The following CHODL variants were observed in gnomAD, a reference collection of about 807,000 sequenced individuals.
The protein encoded by CHODL is chondrolectin.
A neutral mutation model predicts 34.5 loss-of-function variants in CHODL; 29 were observed. The observed-to-expected ratio is 0.84, with a 90% CI of 0.63 to 1.15. The LOEUF (loss-of-function observed/expected upper bound fraction) is 1.15. CHODL is among the 50% of genes most tolerant of loss of function. The probability of loss-of-function intolerance (pLI) is 0.00; values close to 1 mark genes in which losing one functional copy is unlikely to be tolerated. For missense variants in CHODL, 332 were observed against 332.5 expected (o/e 1.00, Z 0.01); for synonymous variants, 125 against 116.1 (o/e 1.08, Z -0.49).
At chr21:18,237,485 A>G (rs1000375779) in intron 2 of CHODL, among the ~76,000 whole-genome samples, 4 of 152,136 alleles carry the variant, frequency 2.6e-5, no homozygotes, top group African/African-American at 9.6e-5. Flanking sequence ...GGTACTGGGG[A>G]GCTTTTCAGA....
chr21:17,917,545 T>C (rs2063149583), intron 1 of CHODL: 1 of 150,082 alleles, frequency 6.7e-6, no homozygotes. Context: ...TGTACCAGAC[T>C]CTGGAGGGGA....
chr21:17,993,263 A>T (rs1424419342), intron 1 of CHODL, among the ~76,000 whole-genome samples: 4 of 152,138 alleles, frequency 2.6e-5, no homozygotes, highest in Non-Finnish European at 5.9e-5. Context: ...CAGGTTTGTT[A>T]TATGGGTTAA....
At chr21:17,928,976 C>T (rs2063249464) in intron 1 of CHODL, among the ~76,000 whole-genome samples, 1 of 152,058 alleles carries the variant, frequency 6.6e-6, no homozygotes, top group African/African-American at 2.4e-5. Context: ...ACTAGAAATC[C>T]ACTTAAGAGC....
At chr21:18,161,067 G>A (rs78241507) in intron 2 of CHODL, among the ~76,000 whole-genome samples, 15,766 of 151,900 alleles carry the variant, frequency 0.1, 909 homozygotes, top group Middle Eastern at 0.15. Context: ...TTTGATTTAC[G>A]TTTCTTAAGT....
chr21:18,157,862 A>G (rs1199969748), intron 2 of CHODL, among the ~76,000 whole-genome samples: 2 of 152,156 alleles, frequency 1.3e-5, no homozygotes, highest in South Asian at 2.1e-4. Flanking sequence ...TAATACAATA[A>G]TTATTAATTC....
chr21:18,111,283 T>G (rs2065347480), intron 2 of CHODL, among the ~76,000 whole-genome samples: 1 of 152,204 alleles, frequency 6.6e-6, no homozygotes, highest in African/African-American at 2.4e-5. Flanking sequence ...GCAGGCGAAC[T>G]GATACACATT....
At chr21:17,928,481 G>A (rs867086980) in intron 1 of CHODL, among the ~76,000 whole-genome samples, 4 of 152,160 alleles carry the variant, frequency 2.6e-5, no homozygotes, top group Non-Finnish European at 4.4e-5. Context: ...GAGACAAAGC[G>A]GGGTGTCCTA....
chr21:18,250,536 ATC>A (rs1465970404), intron 1 of CHODL, among the ~76,000 whole-genome samples: 3 of 151,972 alleles, frequency 2.0e-5, no homozygotes, highest in African/African-American at 7.2e-5. Context: ...ACATTATAAA[ATC>A]TCTGTTGTAA....
At chr21:18,241,913 G>C (rs979417517), upstream of CHODL, among the ~76,000 whole-genome samples, 1 of 151,954 alleles carries the variant, frequency 6.6e-6, no homozygotes, top group Non-Finnish European at 1.5e-5. Context: ...TTCTATTTGG[G>C]GGCTTGAAGA....
chr21:17,928,878 G>A (rs750493988), intron 1 of CHODL, among the ~76,000 whole-genome samples: 2 of 152,180 alleles, frequency 1.3e-5, no homozygotes, highest in Non-Finnish European at 1.5e-5. Flanking sequence ...TTTAGGCTTA[G>A]AAATAATAAA....
At chr21:18,010,214 G>C (rs143334877) in intron 1 of CHODL, among the ~76,000 whole-genome samples, 1 of 142,376 alleles carries the variant, frequency 7.0e-6, no homozygotes, top group Non-Finnish European at 1.5e-5. Flanking sequence ...GGAGAATGGC[G>C]GGAACCCGGG....
chr21:18,062,315 C>T (rs1458328427), intron 2 of CHODL, among the ~76,000 whole-genome samples: 1 of 152,130 alleles, frequency 6.6e-6, no homozygotes, highest in African/African-American at 2.4e-5. Flanking sequence ...TGAAGTGATT[C>T]TCCATGCCTC....
rs183804015 is a variant in CHODL, at chr21:17,937,230, G to A, written c.-145+19830G>A. The stretch of plus-strand genomic sequence containing the variant: ...AAGTCAGTGAAGTTATCTGCTAAGT[G>A]GGACAGAAGGAGAGGGGCAGGTGAG... On this transcript the variant is annotated intron_variant, in intron 1 of 6. Transcript: ENST00000400127. Among the ~76,000 whole-genome samples the A allele has an allele frequency of 3.3e-5, 5 of 152,300 alleles. No individual in the cohort carries two copies. The East Asian group carries it at 9.6e-4, about 29-fold the overall frequency.
At chr21:18,101,990 C>T (rs2065220878) in intron 2 of CHODL, among the ~76,000 whole-genome samples, 2 of 152,030 alleles carry the variant, frequency 1.3e-5, no homozygotes, top group African/African-American at 4.8e-5. Context: ...AGATGAGTAA[C>T]TGTTGATTAC....
intron 2 of CHODL, among the ~76,000 whole-genome samples, chr21:18,179,900 A>G (rs547174052): frequency 3.3e-5 from 5 of 152,276 alleles, no homozygotes; most frequent in African/African-American, 1.2e-4. Flanking sequence ...AATAATTTTT[A>G]TTAACTGAAA....
intron 2 of CHODL, among the ~76,000 whole-genome samples, chr21:18,153,115 C>T (rs1200701317): frequency 6.6e-6 from 1 of 152,168 alleles, no homozygotes; most frequent in African/African-American, 2.4e-5. Flanking sequence ...GCTTGAAAAA[C>T]CCCACCTGTT....
At position 18,219,092 on chromosome 21, in the gene CHODL, G is replaced by A. The variant is rs559914725; in HGVS notation, c.-44-37417G>A. The stretch of plus-strand genomic sequence containing the variant: ...TTCCACATTTTTGGGTATCTTTATA[G>A]CAACACCCCACTCTGCAGTATCAAT... On this transcript the variant is annotated intron_variant, in intron 2 of 6. Coordinates refer to the CHODL transcript ENST00000400127. Among the ~76,000 whole-genome samples the A allele has an allele frequency of 3.3e-3, 500 of 152,092 alleles. 4 individuals carry two copies. Among genetic ancestry groups the A allele is most frequent in the African/African-American group, 0.012 (483 of 41,474 alleles).
chr21:18,119,190 C>T (rs1410292343), intron 2 of CHODL, among the ~76,000 whole-genome samples: 1 of 151,820 alleles, frequency 6.6e-6, no homozygotes. Flanking sequence ...AAGGAACATA[C>T]CCATCATTCT....
intron 2 of CHODL, among the ~76,000 whole-genome samples, chr21:18,068,412 G>A (rs11909882): frequency 0.085 from 12,898 of 152,068 alleles, 1,721 homozygotes; most frequent in African/African-American, 0.29. Flanking sequence ...GGCCAGGCAG[G>A]TCTCAAACTC....
Sources: gnomAD v4.1 joint callset for allele counts (sites outside exome capture counted in the v4.1 genomes callset) on GRCh38, gnomAD v4.1.1 for gene constraint, MANE v1.5 for transcripts, NCBI Gene and HGNC (gene_info 2026-07-23, HGNC 2026-07-21) for gene names.